CSNK2A2: variants seen among roughly 807,000 people sequenced by gnomAD.
CSNK2A2 encodes casein kinase 2 alpha 2.
CSNK2A2 carries 8 observed loss-of-function variants against 54.0 expected under a neutral mutation model. That is an observed-to-expected ratio of 0.15 (90% CI 0.09 to 0.27). The LOEUF (loss-of-function observed/expected upper bound fraction) is 0.27, where lower values mean the gene tolerates loss of function less well. CSNK2A2 is among the 10% of genes least tolerant of loss of function. The pLI, the probability that CSNK2A2 is intolerant of heterozygous loss-of-function variation, is 1.00. For synonymous variants in CSNK2A2, 141 were observed against 153.9 expected, an observed-to-expected ratio of 0.92 and a Z score of 0.62; for missense variants, 242 against 439.4, an observed-to-expected ratio of 0.55 and a Z score of 4.02.
At position 58,197,240 on chromosome 16, in the gene CSNK2A2, A is replaced by G. The variant is rs1181089264; in HGVS notation, c.104+393T>C. 3.6e-6 allele frequency: 1 copy of G among 276,576 alleles called. No individual in the cohort carries two copies. Among genetic ancestry groups the G allele is most frequent in the Non-Finnish European group, 7.0e-6 (1 of 143,506 alleles). 17.1% of individuals were successfully genotyped at this position (276,576 alleles called of 1,614,324 possible). ...GGACGTCTTTAAGAAATTTCCTCCC[A>G]CCACCTCATCTCAGAAAACCTAAAA... On this transcript the variant is annotated intron_variant, in intron 1 of 11. Coordinates refer to ENST00000262506, the MANE Select transcript of CSNK2A2 (RefSeq NM_001896.4). This position sits in a 1 kb window ranked among gnomAD's most constrained non-coding sequence, Gnocchi z 4.0.
intron 4 of CSNK2A2, among the ~76,000 whole-genome samples, chr16:58,175,359 A>G (rs926457654): frequency 2.0e-5 from 3 of 152,304 alleles, no homozygotes; most frequent in African/African-American, 7.2e-5. Flanking sequence ...TTTCCCATCA[A>G]TCCAAGCCAT....
intron 3 of CSNK2A2, among the ~76,000 whole-genome samples, chr16:58,185,572 G>A (rs939655280): frequency 2.6e-5 from 4 of 152,120 alleles, no homozygotes; most frequent in African/African-American, 7.2e-5. Context: ...ATTTTTACAC[G>A]GTGCTCATTT....
chr16:58,174,505 G>A lies in CSNK2A2; in HGVS notation c.375C>T (p.Leu125=). The change falls in exon 5 of 12, where the codon CTC becomes CTT. Residue 125 remains leucine, a synonymous_variant. Transcript: ENST00000262506. ...EYINNTDFKQ[L]YQILTDFDIR... is the part of the protein sequence containing the mutation. ...TATCAAAGTCTGTCAGGATCTGGTA[G>A]AGTTGCTGAAACAGATTCCAGAAAA... The A allele has an allele frequency of 6.2e-7, 1 of 1,612,498 alleles. No homozygotes were observed. The highest frequency in any genetic ancestry group is 8.5e-7 in the Non-Finnish European group (1 of 1,179,258).
At position 58,194,417 on chromosome 16, in the gene CSNK2A2, T is replaced by C. The variant is rs1434861095; in HGVS notation, c.216+2316A>G. Reference sequence around the variant, plus strand: ...CACAATAATGCCATTAGTGATATATTACCCCATCCTTCAGACAGGAACAAA... The same window carrying C: ...CACAATAATGCCATTAGTGATATATCACCCCATCCTTCAGACAGGAACAAA... On this transcript the variant is annotated intron_variant, in intron 2 of 11. Coordinates refer to ENST00000262506, the MANE Select transcript of CSNK2A2 (RefSeq NM_001896.4). Among the ~76,000 whole-genome samples the C allele has an allele frequency of 3.9e-5, 6 of 152,212 alleles. No homozygotes were observed. In the East Asian group the frequency reaches 1.2e-3, roughly 29 times the overall value.
chr16:58,194,419 C>T (rs1962382974), intron 2 of CSNK2A2, among the ~76,000 whole-genome samples: 1 of 152,178 alleles, frequency 6.6e-6, no homozygotes, highest in Non-Finnish European at 1.5e-5. Flanking sequence ...TGATATATTA[C>T]CCCATCCTTC....
At chr16:58,182,427 C>T (rs1347114710) in intron 4 of CSNK2A2, among the ~76,000 whole-genome samples, 4 of 136,538 alleles carry the variant, frequency 2.9e-5, no homozygotes, top group Admixed American at 1.5e-4. Context: ...TGGTGGTGCA[C>T]GCCTGTAGTC....
intron 11 of CSNK2A2, chr16:58,161,479 C>T (rs1961357161): frequency 6.6e-6 from 1 of 152,020 alleles, no homozygotes; most frequent in Non-Finnish European, 1.5e-5. Flanking sequence ...GAAAAGGATA[C>T]TGGGTGCGTA....
intron 11 of CSNK2A2, chr16:58,162,735 A>T (rs1327779011): frequency 1.3e-5 from 2 of 152,196 alleles, no homozygotes. Flanking sequence ...CTGCCTACAA[A>T]CCATGTTGCT....
At position 58,197,591 on chromosome 16, in the gene CSNK2A2, G is replaced by C. The variant is rs756487076; in HGVS notation, c.104+42C>G. The C allele has an allele frequency of 2.7e-5, 37 of 1,379,310 alleles. 1 individual carries two copies. The South Asian group carries it at 4.4e-4, about 17-fold the overall frequency. The allele number at this position is 1,379,310 out of a possible 1,614,324, so 85.4% of individuals were successfully genotyped here. A position where few individuals can be genotyped will look rare whatever the true frequency, so the allele number is the denominator to read the frequency against. ...GTTCGCAGGGGGTGGCCGGGCGGGGGCAGGGATCAGCGGGCCCGGCGGGGG... is the reference window on the plus strand; with the variant it reads ...GTTCGCAGGGGGTGGCCGGGCGGGGCCAGGGATCAGCGGGCCCGGCGGGGG... On this transcript the variant is annotated intron_variant, in intron 1 of 11. Coordinates refer to ENST00000262506, the MANE Select transcript of CSNK2A2 (RefSeq NM_001896.4). This position sits in a 1 kb window ranked among gnomAD's most constrained non-coding sequence, Gnocchi z 4.0.
intron 11 of CSNK2A2, chr16:58,160,543 C>T (rs1310413751): frequency 1.3e-5 from 2 of 152,358 alleles, no homozygotes; most frequent in South Asian, 4.1e-4. Context: ...AGTCATTTCC[C>T]TGAGTAGGCA....
intron 4 of CSNK2A2, among the ~76,000 whole-genome samples, chr16:58,175,286 T>C (rs1961848304): frequency 6.6e-6 from 1 of 152,240 alleles, no homozygotes; most frequent in South Asian, 2.1e-4. Flanking sequence ...ATTAAAGGCA[T>C]CATAAACCCT....
At chr16:58,171,401 TA>T (rs1961731917) in intron 5 of CSNK2A2, among the ~76,000 whole-genome samples, 1 of 151,896 alleles carries the variant, frequency 6.6e-6, no homozygotes, top group African/African-American at 2.4e-5. Context: ...TGCGTGCCTG[TA>T]ATCCCAACTA....
chr16:58,167,451 C>A (rs1421496201), intron 7 of CSNK2A2, 143 bp from the exon 8 acceptor site: 1 of 609,470 alleles, frequency 1.6e-6, no homozygotes, highest in African/African-American at 1.9e-5. Flanking sequence ...TTTTAACTTC[C>A]TGGCTCCTAG....
At chr16:58,170,983 C>T (rs1961719902) in intron 5 of CSNK2A2, among the ~76,000 whole-genome samples, 1 of 152,058 alleles carries the variant, frequency 6.6e-6, no homozygotes, top group Admixed American at 6.6e-5. Flanking sequence ...GAATCCCTGT[C>T]CTCTACCTAC....
Position 58,197,796 on chromosome 16 carries a change from G to T in CSNK2A2, c.-60C>A. 2.4e-6 allele frequency: 1 copy of T among 417,676 alleles called. No homozygotes were observed. Among genetic ancestry groups the T allele is most frequent in the Non-Finnish European group, 3.2e-6 (1 of 316,242 alleles). 25.9% of individuals were successfully genotyped at this position (417,676 alleles called of 1,614,324 possible). On this transcript the variant is annotated 5_prime_UTR_variant, in exon 1 of 12. Transcript: ENST00000262506. The surrounding 1 kb of genome is among the most constrained non-coding windows in gnomAD (Gnocchi z 4.0). Reference sequence around the variant, plus strand: ...AGGGTGGCGGCGGCGGCGCGGCGGGGGACGCGGGGCGTCGGGCGGAGGAGG... The same window carrying T: ...AGGGTGGCGGCGGCGGCGCGGCGGGTGACGCGGGGCGTCGGGCGGAGGAGG...
intron 5 of CSNK2A2, among the ~76,000 whole-genome samples, chr16:58,170,502 T>C (rs1961706125): frequency 6.6e-6 from 1 of 151,968 alleles, no homozygotes; most frequent in African/African-American, 2.4e-5. Flanking sequence ...TTCCTAGGGG[T>C]GGAAGTGCTG....
intron 4 of CSNK2A2, among the ~76,000 whole-genome samples, chr16:58,181,274 A>G (rs2142434308): frequency 6.6e-6 from 1 of 152,358 alleles, no homozygotes; most frequent in Middle Eastern, 3.4e-3. Context: ...ACAACCTCAG[A>G]AATGTTCAGG....
At chr16:58,196,866 A>G in intron 1 of CSNK2A2, 22 bp from the exon 2 acceptor site, 2 of 1,489,940 alleles carry the variant, frequency 1.3e-6, no homozygotes, top group Non-Finnish European at 1.9e-6. Context: ...AGACACACAC[A>G]TAAATGCCAG....
At chr16:58,182,149 ACC>A (rs1962058632) in intron 4 of CSNK2A2, among the ~76,000 whole-genome samples, 1 of 151,582 alleles carries the variant, frequency 6.6e-6, no homozygotes, top group African/African-American at 2.4e-5. Flanking sequence ...GAGGGTTAAG[ACC>A]CCAGAGAGAA....
Sources: gnomAD v4.1 joint callset for allele counts (sites outside exome capture counted in the v4.1 genomes callset) on GRCh38, gnomAD v4.1.1 for gene constraint, Gnocchi (gnomAD v3.1) non-coding constraint, MANE v1.5 for transcripts, NCBI Gene and HGNC (gene_info 2026-07-23, HGNC 2026-07-21) for gene names.